Variants in HGFAC observed in about 807,000 individuals in gnomAD.
HGFAC encodes hepatocyte growth factor activator serine protease.
A neutral mutation model predicts 70.6 loss-of-function variants in HGFAC; 76 were observed. The ratio of observed to expected loss-of-function variants is 1.08; its 90% CI spans 0.89 to 1.30. The LOEUF (loss-of-function observed/expected upper bound fraction) is 1.30, where lower values mean the gene tolerates loss of function less well. Ranked by LOEUF, HGFAC falls within the 50% of genes most tolerant of loss-of-function variation. HGFAC has a pLI of 0.00. For missense variants in HGFAC, 1,044 were observed against 933.7 expected, an observed-to-expected ratio of 1.12 and a Z score of -1.54; for synonymous variants, 464 against 405.3, an observed-to-expected ratio of 1.14 and a Z score of -1.74.
In HGFAC at chr4:3,442,846, C is replaced by T; in HGVS notation, c.232C>T (p.Pro78Ser). ...PATSAPEAEG[P>S]QSGGLPPPPR... is the part of the protein sequence containing the mutation. The stretch of plus-strand genomic sequence containing the variant: ...AACAAGTGCTCCAGAGGCAGAGGGA[C>T]CCCAAAGTGGGGGGCTCCCGCCCCC... The change falls in exon 2 of 14, where the codon CCC becomes TCC. Residue 78 changes from proline to serine, a missense_variant. Physicochemically the swap from Pro to Ser is moderately conservative, Grantham distance 74. Coordinates refer to ENST00000382774, the MANE Select transcript of HGFAC (RefSeq NM_001528.4). 2 of 1,587,734 alleles carry T rather than the reference C, an allele frequency of 1.3e-6. No individual in the cohort carries two copies. Among genetic ancestry groups the T allele is most frequent in the Non-Finnish European group, 1.7e-6 (2 of 1,168,434 alleles).
intron 5 of HGFAC, 43 bp downstream of exon 5, chr4:3,444,204 G>A (rs1028905187): frequency 3.6e-5 from 57 of 1,567,768 alleles, no homozygotes; most frequent in Non-Finnish European, 4.8e-5. Flanking sequence ...AGGGGCCGGA[G>A]CAAGTCCCCG....
rs763169583 is a variant in HGFAC, at chr4:3,449,466, C to T, written c.*47C>T. On this transcript the variant is annotated 3_prime_UTR_variant, in exon 14 of 14. Coordinates refer to ENST00000382774, the MANE Select transcript of HGFAC (RefSeq NM_001528.4). ...TTCCCACCATTCCCTGCCTTGCTGA[C>T]AATAAAGATATTTCCAAGAACCCGG... 14 of 1,482,842 alleles carry T rather than the reference C, an allele frequency of 9.4e-6. No homozygotes were observed. In the East Asian group the frequency reaches 3.4e-4, roughly 36 times the overall value. The allele number at this position is 1,482,842 out of a possible 1,614,324, so 91.9% of individuals were successfully genotyped here. A position where few individuals can be genotyped will look rare whatever the true frequency, so the allele number is the denominator to read the frequency against.
At chr4:3,448,725 C>T (rs1483001416) in intron 13 of HGFAC, among the ~76,000 whole-genome samples, 5 of 152,220 alleles carry the variant, frequency 3.3e-5, no homozygotes, top group African/African-American at 4.8e-5. Flanking sequence ...GGCACGGCAA[C>T]CCTGGCATGC....
intron 10 of HGFAC, among the ~76,000 whole-genome samples, chr4:3,447,218 A>T (rs1725539732): frequency 6.6e-6 from 1 of 151,752 alleles, no homozygotes. Flanking sequence ...TTGGCCTGAG[A>T]CTCCCCCCAG....
rs1433823030 is a variant in HGFAC, at chr4:3,446,052, C to T, written c.1113C>T (p.Thr371=). 2 of 1,608,890 alleles carry T rather than the reference C, an allele frequency of 1.2e-6. No homozygotes were observed. The highest frequency in any genetic ancestry group is 1.7e-5 in the Admixed American group (1 of 59,718). Residue 371 remains threonine, a synonymous_variant, in exon 10 of 14, where the codon ACC becomes ACT. Transcript: ENST00000382774. ...YCRLEACESL[T]RVQLSPDLLA... ...GACCTTTGCTCCCAGAATCCCTCAC[C>T]AGAGTCCAACTGTCACCGGATCTCC...
chr4:3,444,654 C>T lies in HGFAC; in HGVS notation c.762C>T (p.Gly254=). The part of the protein sequence containing the change: ...ACLSSPCLNG[G]TCHLIVATGT... ...TGAGCAGCCCTTGCCTGAACGGGGGCACCTGCCACCTGATCGTGGCCACCG... is the reference window on the plus strand; with the variant it reads ...TGAGCAGCCCTTGCCTGAACGGGGGTACCTGCCACCTGATCGTGGCCACCG... The change falls in exon 7 of 14, where the codon GGC becomes GGT. Residue 254 remains glycine, a synonymous_variant. Coordinates refer to ENST00000382774, the MANE Select transcript of HGFAC (RefSeq NM_001528.4). 1 of 1,597,640 alleles carries T rather than the reference C, an allele frequency of 6.3e-7. No individual in the cohort carries two copies. Among genetic ancestry groups the T allele is most frequent in the South Asian group, 1.1e-5 (1 of 90,004 alleles).
upstream of HGFAC, chr4:3,441,813 C>T: frequency 7.9e-6 from 4 of 504,390 alleles, no homozygotes; most frequent in Non-Finnish European, 1.4e-5. The surrounding 1 kb of genome is among the most constrained non-coding windows in gnomAD (Gnocchi z 6.0). Context: ...GACAGCTGGG[C>T]TTCCAGGTAG....
intron 13 of HGFAC, among the ~76,000 whole-genome samples, chr4:3,449,035 G>A (rs1187906127): frequency 6.6e-6 from 1 of 152,146 alleles, no homozygotes; most frequent in Non-Finnish European, 1.5e-5. Context: ...CTTCAGGAAG[G>A]GGAATAACGT....
At chr4:3,443,296 G>T (rs1308224810) in intron 3 of HGFAC, 45 bp from the exon 4 acceptor site, 1 of 1,497,740 alleles carries the variant, frequency 6.7e-7, no homozygotes, top group Admixed American at 2.1e-5. Flanking sequence ...GTGGGGTGGG[G>T]GGCCTCTGCC....
intron 7 of HGFAC, 23 bp from the exon 8 acceptor site, chr4:3,444,796 C>G: frequency 1.2e-5 from 19 of 1,582,348 alleles, no homozygotes; most frequent in Non-Finnish European, 1.6e-5. Flanking sequence ...CGTGGGCCGG[C>G]CTCACTGCCC....
chr4:3,442,707 C>G, intron 1 of HGFAC, 25 bp from the exon 2 acceptor site: 1 of 1,458,562 alleles, frequency 6.9e-7, no homozygotes, highest in Middle Eastern at 1.8e-4. Flanking sequence ...CTGTCCCACA[C>G]TGACACCCTT....
chr4:3,445,261 G>A lies in HGFAC; in HGVS notation c.1017-4G>A, dbSNP rs1374096558. The A allele has an allele frequency of 8.3e-6, 13 of 1,569,400 alleles. No homozygotes were observed. In the African/African-American group the frequency reaches 1.4e-4, roughly 16 times the overall value. ...CCCTGCCAGCCCCCACTTATGCACC[G>A]CAGGAATCCGGACAATGACGAGAGG... On this transcript the variant is annotated splice_polypyrimidine_tract_variant and splice_region_variant and intron_variant, in intron 8 of 13. Transcript: ENST00000382774.
chr4:3,448,160 G>T lies in HGFAC; in HGVS notation c.1669G>T (p.Ala557Ser). The change falls in exon 13 of 14, where the codon GCC becomes TCC. Residue 557 changes from alanine to serine, a missense_variant. Coordinates refer to ENST00000382774, the MANE Select transcript of HGFAC (RefSeq NM_001528.4). ...CGGCTACTCCAGCTCCCTGCGGGAGGCCCTGGTCCCCCTGGTCGCCGACCA... is the reference window on the plus strand; with the variant it reads ...CGGCTACTCCAGCTCCCTGCGGGAGTCCCTGGTCCCCCTGGTCGCCGACCA... ...VSGYSSSLRE[A>S]LVPLVADHKC... is the part of the protein sequence containing the mutation. The T allele has an allele frequency of 6.3e-7, 1 of 1,598,914 alleles. No homozygotes were observed. The highest frequency in any genetic ancestry group is 8.5e-7 in the Non-Finnish European group (1 of 1,174,120).
At chr4:3,445,839 A>G in intron 9 of HGFAC, 1 of 1,525,524 alleles carries the variant, frequency 6.6e-7, no homozygotes, top group South Asian at 1.2e-5. Flanking sequence ...TGGCCCTCAC[A>G]GAGCCTCGGG....
At chr4:3,443,724 G>A (rs1220053620) in intron 4 of HGFAC, among the ~76,000 whole-genome samples, 1 of 152,146 alleles carries the variant, frequency 6.6e-6, no homozygotes, top group Non-Finnish European at 1.5e-5. Context: ...GTGGGGTGCG[G>A]TGCCAGCCGC....
chr4:3,444,597 G>A, intron 6 of HGFAC, 26 bp from the exon 7 acceptor site: 1 of 1,566,608 alleles, frequency 6.4e-7, no homozygotes, highest in Non-Finnish European at 8.6e-7. Flanking sequence ...GCGGCCCCTG[G>A]CCCAGCTCCT....
chr4:3,443,193 C>T (rs369770642), intron 3 of HGFAC, 47 bp downstream of exon 3: 537 of 1,381,394 alleles, frequency 3.9e-4, no homozygotes, highest in Admixed American at 7.2e-4. Context: ...ACCTGCCCCA[C>T]GCTGCCTGCT....
rs776595513 is a variant in HGFAC, at chr4:3,442,117, G to A, written c.116G>A (p.Gly39Glu). 2 of 1,557,876 alleles carry A rather than the reference G, an allele frequency of 1.3e-6. No individual in the cohort carries two copies. The highest frequency in any genetic ancestry group is 2.4e-5 in the East Asian group (1 of 40,970). ...LPRGFQPQPGGNRTESPEPNA... is the reference protein window; with the variant it reads ...LPRGFQPQPGENRTESPEPNA... Reference sequence around the variant, plus strand: ...CGGGGGTTCCAGCCCCAGCCTGGCGGGGTGAGCACTGACCTTGTCGCAGTG... The same window carrying A: ...CGGGGGTTCCAGCCCCAGCCTGGCGAGGTGAGCACTGACCTTGTCGCAGTG... Residue 39 changes from glycine to glutamate, a missense_variant and splice_region_variant, in exon 1 of 14, where the codon GGG (glycine) becomes GAG (glutamate). Transcript: ENST00000382774.
rs750134133 is a variant in HGFAC at position 3,442,920 on chromosome 4, A to T, written c.298+8A>T. ...GTAGCCCCCAGGCCCAAGGTGGGTC[A>T]GGTGGGCCTGGGAGGAGGTGTCGTG... is the stretch of plus-strand genomic sequence containing the variant. On this transcript the variant is annotated splice_region_variant and intron_variant, in intron 2 of 13. Coordinates refer to ENST00000382774, the MANE Select transcript of HGFAC (RefSeq NM_001528.4). The T allele has an allele frequency of 1.9e-6, 3 of 1,562,488 alleles. No individual in the cohort carries two copies. Among genetic ancestry groups the T allele is most frequent in the Non-Finnish European group, 2.6e-6 (3 of 1,154,996 alleles).
Sources: allele counts gnomAD v4.1 joint callset (sites outside exome capture counted in the v4.1 genomes callset), GRCh38; gene constraint gnomAD v4.1.1; non-coding constraint Gnocchi (gnomAD v3.1); transcripts MANE v1.5; gene names NCBI Gene and HGNC (gene_info 2026-07-23, HGNC 2026-07-21).